Variants in ADAMTS12 observed in about 807,000 individuals in gnomAD.
ADAMTS12 encodes the protein A disintegrin and metalloproteinase with thrombospondin motifs 12.
Under a neutral mutation model 167.8 loss-of-function variants are expected in ADAMTS12, and 118 were observed. That is an observed-to-expected ratio of 0.70 (90% confidence interval 0.61 to 0.82). ADAMTS12 has a LOEUF of 0.82. ADAMTS12 is among the 40% of genes least tolerant of loss of function. ADAMTS12 has a pLI of 0.00. For missense variants in ADAMTS12, 1,916 were observed against 1,998.8 expected, an observed-to-expected ratio of 0.96 and a Z score of 0.79; for synonymous variants, 704 against 716.9, an observed-to-expected ratio of 0.98 and a Z score of 0.29.
chr5:33,561,530 C>T (rs945291304), intron 19 of ADAMTS12, among the ~76,000 whole-genome samples: 7 of 152,176 alleles, frequency 4.6e-5, no homozygotes, highest in Non-Finnish European at 1.0e-4. Flanking sequence ...TGCCTTTAAT[C>T]CCAACACTAT....
At chr5:33,557,545 G>A (rs1186890254) in intron 20 of ADAMTS12, among the ~76,000 whole-genome samples, 1 of 152,154 alleles carries the variant, frequency 6.6e-6, no homozygotes, top group African/African-American at 2.4e-5. Flanking sequence ...CAGGAGTATT[G>A]TTTGAGCCCA....
Position 33,546,146 on chromosome 5 carries a change from G to A in ADAMTS12, c.4359C>T (p.Gly1453=). The change falls in exon 22 of 24, where the codon GGC becomes GGT. Residue 1453 remains glycine, a synonymous_variant. Transcript: ENST00000504830. ...VQERGVFCPG[G]LCDWTKRPTS... ...TGGGTCTTTTTGTCCAATCACAGAGGCCTCCTGGACAGAACACTCCTCTCT... is the reference window on the plus strand; with the variant it reads ...TGGGTCTTTTTGTCCAATCACAGAGACCTCCTGGACAGAACACTCCTCTCT... 1.2e-6 allele frequency: 2 copies of A among 1,613,964 alleles called. No homozygotes were observed. The highest frequency in any genetic ancestry group is 8.5e-7 in the Non-Finnish European group (1 of 1,179,976).
At chr5:33,536,280 C>T (rs1252000830) in intron 22 of ADAMTS12, among the ~76,000 whole-genome samples, 3 of 152,276 alleles carry the variant, frequency 2.0e-5, no homozygotes, top group South Asian at 2.1e-4. Context: ...GGACTACAGG[C>T]GTGTGCCACC....
rs769365679 is a variant in ADAMTS12, at chr5:33,576,470, C to A, written c.3556G>T (p.Asp1186Tyr). Residue 1186 changes from aspartate to tyrosine, a missense_variant, in exon 19 of 24, where the codon GAC becomes TAC. Asp to Tyr is a radical substitution (Grantham distance 160). Transcript: ENST00000504830. Reference sequence around the variant, plus strand: ...ATTTCTGTACTTTCCACTGGAGCGTCATTTCCAGGTACTCTGATCTTGGTC... The same window carrying A: ...ATTTCTGTACTTTCCACTGGAGCGTAATTTCCAGGTACTCTGATCTTGGTC... ...IWTKIRVPGN[D>Y]APVESTEMPL... The A allele has an allele frequency of 1.9e-6, 3 of 1,608,410 alleles. No homozygotes were observed. In the African/African-American group the frequency reaches 4.0e-5, roughly 22 times the overall value.
chr5:33,729,742 G>A (rs1325288846), intron 3 of ADAMTS12, among the ~76,000 whole-genome samples: 2 of 152,192 alleles, frequency 1.3e-5, no homozygotes, highest in East Asian at 3.9e-4. Context: ...TGGCAGGTCA[G>A]GCAGATCCTA....
At chr5:33,723,206 T>C (rs886386361) in intron 3 of ADAMTS12, among the ~76,000 whole-genome samples, 2 of 152,252 alleles carry the variant, frequency 1.3e-5, no homozygotes, top group African/African-American at 4.8e-5. Flanking sequence ...GTTATTCTAA[T>C]CTCAGGTCTT....
At chr5:33,628,307 T>C (rs1174325439) in intron 13 of ADAMTS12, among the ~76,000 whole-genome samples, 3 of 151,916 alleles carry the variant, frequency 2.0e-5, no homozygotes, top group Non-Finnish European at 4.4e-5. Flanking sequence ...TGGAGGTGAG[T>C]AGGGCATTTG....
intron 2 of ADAMTS12, among the ~76,000 whole-genome samples, chr5:33,849,034 T>C (rs528798257): frequency 4.0e-5 from 6 of 149,052 alleles, no homozygotes; most frequent in South Asian, 4.2e-4. Context: ...CATAGCAATA[T>C]ATATATATGT....
chr5:33,735,379 G>A (rs992614619), intron 3 of ADAMTS12, among the ~76,000 whole-genome samples: 6 of 152,172 alleles, frequency 3.9e-5, no homozygotes, highest in Non-Finnish European at 5.9e-5. Context: ...GGATCAGCAA[G>A]TTTTTATCAC....
intron 6 of ADAMTS12, among the ~76,000 whole-genome samples, chr5:33,659,369 C>T (rs891442352): frequency 2.4e-4 from 36 of 152,158 alleles, no homozygotes; most frequent in East Asian, 9.6e-4. Flanking sequence ...CAGTCATTTA[C>T]GTAACTTCTA....
At chr5:33,811,890 C>T (rs1747475409) in intron 2 of ADAMTS12, among the ~76,000 whole-genome samples, 1 of 152,146 alleles carries the variant, frequency 6.6e-6, no homozygotes, top group South Asian at 2.1e-4. Flanking sequence ...TACACCCGTG[C>T]TGAAGGCAGA....
At chr5:33,768,210 C>T (rs1745615419) in intron 2 of ADAMTS12, among the ~76,000 whole-genome samples, 1 of 152,164 alleles carries the variant, frequency 6.6e-6, no homozygotes, top group South Asian at 2.1e-4. Context: ...CTCCTGGCCT[C>T]CGGTTCCAAC....
intron 13 of ADAMTS12, among the ~76,000 whole-genome samples, chr5:33,626,382 GA>G (rs1424588756): frequency 6.7e-6 from 1 of 150,116 alleles, no homozygotes; most frequent in African/African-American, 2.5e-5. Flanking sequence ...TGATGGGGGT[GA>G]TGGTAGTGGT....
intron 2 of ADAMTS12, among the ~76,000 whole-genome samples, chr5:33,826,584 G>GTA (rs1488842952): frequency 0.011 from 803 of 71,694 alleles, 7 homozygotes; most frequent in African/African-American, 0.037. Flanking sequence ...GTGTGTGTGT[G>GTA]TGTATATATA....
intron 21 of ADAMTS12, 137 bp downstream of exon 21, chr5:33,549,070 T>C: frequency 9.3e-7 from 1 of 1,079,682 alleles, no homozygotes; most frequent in Non-Finnish European, 1.3e-6. Context: ...ACATACAGGG[T>C]GGGGTCACTG....
chr5:33,833,342 G>A (rs1377934790), intron 2 of ADAMTS12, among the ~76,000 whole-genome samples: 1 of 152,198 alleles, frequency 6.6e-6, no homozygotes, highest in Non-Finnish European at 1.5e-5. Context: ...TGACTGGGAA[G>A]CCACACAGCA....
intron 2 of ADAMTS12, among the ~76,000 whole-genome samples, chr5:33,814,027 T>C (rs1431798268): frequency 3.3e-5 from 5 of 152,248 alleles, no homozygotes; most frequent in Admixed American, 3.3e-4. Flanking sequence ...GAATCCTTTG[T>C]TGCAAGTATG....
chr5:33,885,277 G>T (rs1164049010), intron 1 of ADAMTS12, among the ~76,000 whole-genome samples: 1 of 152,128 alleles, frequency 6.6e-6, no homozygotes. Flanking sequence ...GCAATTGTGA[G>T]ATATATTAAT....
chr5:33,545,963 A>T, intron 22 of ADAMTS12, 96 bp downstream of exon 22: 1 of 1,460,000 alleles, frequency 6.8e-7, no homozygotes. Context: ...ATACCTATGT[A>T]ACAAACCTGC....
Sources: allele counts gnomAD v4.1 joint callset (sites outside exome capture counted in the v4.1 genomes callset), GRCh38; gene constraint gnomAD v4.1.1; transcripts MANE v1.5; gene names NCBI Gene and HGNC (gene_info 2026-07-23, HGNC 2026-07-21).